Variants in AP3B2 observed in about 807,000 individuals in gnomAD.
AP3B2 encodes the protein adaptor related protein complex 3 subunit beta 2.
Under a neutral mutation model 126.9 loss-of-function variants are expected in AP3B2, and 50 were observed. That is an observed-to-expected ratio of 0.39 (90% CI 0.31 to 0.50). The LOEUF (loss-of-function observed/expected upper bound fraction) is 0.50. Among genes scored for constraint, AP3B2 ranks in the 20% least tolerant of loss-of-function variants. The probability of loss-of-function intolerance (pLI) is 0.79; values close to 1 mark genes in which losing one functional copy is unlikely to be tolerated. For missense variants in AP3B2, 1,177 were observed against 1,426.4 expected (o/e 0.83, Z 2.82); for synonymous variants, 541 against 565.0 (o/e 0.96, Z 0.60).
chr15:82,662,102 C>T (rs2047960683), intron 24 of AP3B2, 66 bp downstream of exon 24: 2 of 1,467,816 alleles, frequency 1.4e-6, no homozygotes, highest in Non-Finnish European at 1.9e-6. Flanking sequence ...CCTCCATTTC[C>T]AGTTCATTGT....
chr15:82,709,692 G>GGGGGCGGCCGACAT lies in AP3B2; in HGVS notation c.1_14dup (p.Ala6CysfsTer42). The GGGGGCGGCCGACAT allele has an allele frequency of 1.3e-6, 2 of 1,494,620 alleles. No individual in the cohort carries two copies. Among genetic ancestry groups the GGGGGCGGCCGACAT allele is most frequent in the South Asian group, 1.2e-5 (1 of 80,086 alleles). The allele number at this position is 1,494,620 out of a possible 1,614,324, so 92.6% of individuals were successfully genotyped here. A position where few individuals can be genotyped will look rare whatever the true frequency, so the allele number is the denominator to read the frequency against. On this transcript the variant is annotated frameshift_variant, in exon 1 of 27. Transcript: ENST00000535359. LOFTEE classifies it high-confidence loss of function. ...AGCCGCCCTTGTCTTCGCTGTAGGC[G>GGGGGCGGCCGACAT]GGGGCGGCCGACATGGGGCGGCCAG...
intron 25 of AP3B2, among the ~76,000 whole-genome samples, chr15:82,660,898 GT>G (rs544122971): frequency 1.3e-4 from 20 of 152,268 alleles, no homozygotes; most frequent in Non-Finnish European, 2.5e-4. Context: ...AGGACTGCAT[GT>G]ACTTGAGCCG....
At chr15:82,696,526 C>T (rs896639101) in intron 1 of AP3B2, among the ~76,000 whole-genome samples, 6 of 152,076 alleles carry the variant, frequency 3.9e-5, no homozygotes, top group Non-Finnish European at 1.5e-5. Flanking sequence ...TGCAGTGAGC[C>T]GAGATCGCGC....
In AP3B2 at chr15:82,680,656, G is replaced by C; in HGVS notation, c.871C>G (p.Pro291Ala). Residue 291 changes from proline (P) to alanine (A), a missense_variant, in exon 8 of 27, where the codon CCC (proline) becomes GCC (alanine). Physicochemically the swap from Pro to Ala is conservative, Grantham distance 27 (BLOSUM62 -1). This residue lies in a region of AP3B2 where 103 missense variants were observed against 101.4 expected (regional missense o/e 1.02). Transcript: ENST00000535359. The surrounding 1 kb of genome is among the most constrained non-coding windows in gnomAD (Gnocchi z 6.1). The stretch of plus-strand genomic sequence containing the variant: ...TCCATGACATAGGGCTTTCGGGAGG[G>C]GGCGGCCGCGGCGGCCGTCTCCTCA... ...GSEETAAAAA[P>A]SRKPYVMDPD... 6.3e-7 allele frequency: 1 copy of C among 1,583,156 alleles called. No individual in the cohort carries two copies. The highest frequency in any genetic ancestry group is 8.6e-7 in the Non-Finnish European group (1 of 1,169,424).
intron 4 of AP3B2, chr15:82,685,666 C>T (rs2048413881): frequency 6.6e-6 from 1 of 152,138 alleles, no homozygotes; most frequent in Non-Finnish European, 1.5e-5. Context: ...TATAGATTCA[C>T]AGAAAGTTAT....
In AP3B2 at chr15:82,680,033, C is replaced by A. The variant is rs887492241; in HGVS notation, c.1110+142G>T. 8.1e-6 allele frequency: 10 copies of A among 1,231,138 alleles called. No individual in the cohort carries two copies. Among genetic ancestry groups the A allele is most frequent in the South Asian group, 5.6e-5 (4 of 71,234 alleles). The allele number at this position is 1,231,138 out of a possible 1,614,324, so 76.3% of individuals were successfully genotyped here. ...CCCTGCTCCCTATCTGTATTTGGAG[C>A]CTCCCCTGCCCCATCCTCTGCACAG... is the stretch of plus-strand genomic sequence containing the variant. On this transcript the variant is annotated intron_variant, in intron 9 of 26. Coordinates refer to ENST00000535359, the MANE Select transcript of AP3B2 (RefSeq NM_001278512.2). The surrounding 1 kb of genome is among the most constrained non-coding windows in gnomAD (Gnocchi z 6.1).
At position 82,680,726 on chromosome 15, in the gene AP3B2, T is replaced by A; in HGVS notation, c.801A>T (p.Lys267Asn). ...NESLLEENAE[K>N]AFYGSEEDEA... is the part of the protein sequence containing the mutation. The stretch of plus-strand genomic sequence containing the variant: ...CGTCCTCCTCTGAGCCGTAGAAGGC[T>A]TTTTCCGCGTTCTCCTCTAGTAGGG... The change falls in exon 8 of 27, where the codon AAA (lysine) becomes AAT (asparagine). Residue 267 changes from lysine (K) to asparagine (N), a missense_variant. Transcript: ENST00000535359. The surrounding 1 kb of genome is among the most constrained non-coding windows in gnomAD (Gnocchi z 6.1). 1 of 1,566,120 alleles carries A rather than the reference T, an allele frequency of 6.4e-7. No individual in the cohort carries two copies. The highest frequency in any genetic ancestry group is 8.6e-7 in the Non-Finnish European group (1 of 1,159,872).
At chr15:82,692,092 C>T (rs2048544779) in intron 1 of AP3B2, 1 of 1,494,928 alleles carries the variant, frequency 6.7e-7, no homozygotes. Context: ...CCTCCCACCA[C>T]GGGGCCACCC....
intron 1 of AP3B2, among the ~76,000 whole-genome samples, chr15:82,698,458 T>C (rs1327037484): frequency 1.3e-5 from 2 of 150,398 alleles, no homozygotes; most frequent in Non-Finnish European, 3.0e-5. Context: ...CACACCCTCA[T>C]AGAGACACAC....
intron 15 of AP3B2, 138 bp downstream of exon 15, chr15:82,666,609 A>G (rs1010033147): frequency 1.7e-5 from 16 of 931,370 alleles, no homozygotes; most frequent in Non-Finnish European, 2.5e-5. Context: ...CAGGAGGGAC[A>G]AAAGGAGTGA....
At chr15:82,702,375 C>T (rs1335568380) in intron 1 of AP3B2, among the ~76,000 whole-genome samples, 3 of 152,184 alleles carry the variant, frequency 2.0e-5, no homozygotes, top group African/African-American at 4.8e-5. Context: ...GAGTAACATC[C>T]TTGTCAGGCC....
chr15:82,674,730 C>T lies in AP3B2; in HGVS notation c.1665+1731G>A, dbSNP rs2048216064. On this transcript the variant is annotated intron_variant, in intron 14 of 26. Coordinates refer to ENST00000535359, the MANE Select transcript of AP3B2 (RefSeq NM_001278512.2). Reference sequence around the variant, plus strand: ...CAAATGCACATGTAGCTCACAGTAACAACTTGGGGGAAATGACATGTGGAC... The same window carrying T: ...CAAATGCACATGTAGCTCACAGTAATAACTTGGGGGAAATGACATGTGGAC... 2.0e-5 allele frequency among the ~76,000 whole-genome samples: 3 copies of T among 152,214 alleles called. No homozygotes were observed. The South Asian group carries it at 6.2e-4, about 31-fold the overall frequency.
intron 14 of AP3B2, 23 bp downstream of exon 14, chr15:82,676,438 G>A: frequency 1.2e-6 from 2 of 1,611,178 alleles, no homozygotes; most frequent in East Asian, 2.2e-5. Context: ...AGAGTATCTG[G>A]GGGGTCATCT....
chr15:82,697,525 G>A (rs2048647951), intron 1 of AP3B2, among the ~76,000 whole-genome samples: 1 of 152,152 alleles, frequency 6.6e-6, no homozygotes, highest in South Asian at 2.1e-4. Context: ...AGGAAGAGAA[G>A]AACCAGACAG....
intron 26 of AP3B2, 56 bp from the exon 27 acceptor site, chr15:82,659,766 A>C: frequency 6.2e-7 from 1 of 1,609,968 alleles, no homozygotes; most frequent in Non-Finnish European, 8.5e-7. Context: ...TGTGTTTGGA[A>C]GGGGATCAGC....
At chr15:82,667,655 T>G (rs796822250) in intron 14 of AP3B2, among the ~76,000 whole-genome samples, 3 of 152,328 alleles carry the variant, frequency 2.0e-5, no homozygotes, top group African/African-American at 7.2e-5. Context: ...CAGCCATCAC[T>G]TATCAAGTGC....
intron 10 of AP3B2, 30 bp downstream of exon 10, chr15:82,679,699 G>GC: frequency 6.9e-7 from 1 of 1,445,964 alleles, no homozygotes; most frequent in Non-Finnish European, 9.5e-7. Flanking sequence ...GGAGGGCTGG[G>GC]AAGCACATGC....
At chr15:82,663,383 C>T (rs2047991361) in intron 21 of AP3B2, 150 bp from the exon 22 acceptor site, 1 of 979,028 alleles carries the variant, frequency 1.0e-6, no homozygotes, top group Non-Finnish European at 1.6e-6. Flanking sequence ...CATTCCTAGA[C>T]CTCAACCCCA....
At chr15:82,692,455 T>A in intron 1 of AP3B2, 1 of 324,962 alleles carries the variant, frequency 3.1e-6, no homozygotes, top group Non-Finnish European at 5.6e-6. Flanking sequence ...CGAGAAGCAA[T>A]TGTGGTACTT....
Sources: allele counts gnomAD v4.1 joint callset (sites outside exome capture counted in the v4.1 genomes callset), GRCh38; gene constraint gnomAD v4.1.1; regional missense constraint gnomAD v4.1.1; non-coding constraint Gnocchi (gnomAD v3.1); transcripts MANE v1.5; gene names NCBI Gene and HGNC (gene_info 2026-07-23, HGNC 2026-07-21).